Variants in DCC observed in about 807,000 individuals in gnomAD.
DCC encodes DCC netrin 1 receptor.
Under a neutral mutation model 172.5 loss-of-function variants are expected in DCC, and 58 were observed. The observed-to-expected ratio is 0.34, with a 90% CI of 0.27 to 0.42. The LOEUF is 0.42. DCC is among the 10% of genes least tolerant of loss of function. The probability of loss-of-function intolerance (pLI) is 1.00; values close to 1 mark genes in which losing one functional copy is unlikely to be tolerated. For synonymous variants in DCC, 709 were observed against 644.5 expected, an observed-to-expected ratio of 1.10 and a Z score of -1.52; for missense variants, 1,740 against 1,791.0, an observed-to-expected ratio of 0.97 and a Z score of 0.51.
At chr18:52,868,579 AATTTGG>A (rs2039266437) in intron 2 of DCC, among the ~76,000 whole-genome samples, 1 of 152,166 alleles carries the variant, frequency 6.6e-6, no homozygotes, top group Admixed American at 6.5e-5. Flanking sequence ...GGACCAAGCT[AATTTGG>A]GAAGAAATTT....
chr18:52,725,102 A>C (rs1364492949), intron 1 of DCC, among the ~76,000 whole-genome samples: 1 of 152,194 alleles, frequency 6.6e-6, no homozygotes, highest in East Asian at 1.9e-4. Context: ...AGAGTCTGTC[A>C]TGATTGATTG....
At chr18:52,400,692 C>A (rs1598786640) in intron 1 of DCC, among the ~76,000 whole-genome samples, 1 of 152,078 alleles carries the variant, frequency 6.6e-6, no homozygotes, top group South Asian at 2.1e-4. Flanking sequence ...TTGGAACCAA[C>A]CCAAATGCCC....
chr18:52,699,616 T>G (rs1184520606), intron 1 of DCC, among the ~76,000 whole-genome samples: 12 of 152,174 alleles, frequency 7.9e-5, no homozygotes, highest in Non-Finnish European at 1.6e-4. Flanking sequence ...CCAAACCCTT[T>G]GATCAGACCC....
chr18:53,418,754 A>G (rs1341938070), intron 21 of DCC, among the ~76,000 whole-genome samples: 7 of 152,240 alleles, frequency 4.6e-5, no homozygotes, highest in Non-Finnish European at 8.8e-5. Flanking sequence ...CATGAAGAAC[A>G]TAAATGTGAA....
intron 1 of DCC, among the ~76,000 whole-genome samples, chr18:52,686,322 G>A (rs544036051): frequency 1.3e-5 from 2 of 152,142 alleles, no homozygotes; most frequent in African/African-American, 4.8e-5. Flanking sequence ...TCCCTTTTAG[G>A]CCAGCCTACC....
At position 53,351,456 on chromosome 18, in the gene DCC, TAC is replaced by T. The variant is rs1275215787; in HGVS notation, c.2359+11553_2359+11554del. Among the ~76,000 whole-genome samples, 7 of 41,330 alleles carry T rather than the reference TAC, an allele frequency of 1.7e-4. No individual in the cohort carries two copies. In the East Asian group the frequency reaches 2.1e-3, roughly 12 times the overall value. 27.1% of individuals were successfully genotyped at this position (41,330 alleles called of 152,430 possible). A position where few individuals can be genotyped will look rare whatever the true frequency, so the allele number is the denominator to read the frequency against. ...TATATATACAGTGTATATATATATA[TAC>T]ACAGTGTGTATATATATATATATAT... On this transcript the variant is annotated intron_variant, in intron 15 of 28. Coordinates refer to ENST00000442544, the MANE Select transcript of DCC (RefSeq NM_005215.4).
intron 15 of DCC, among the ~76,000 whole-genome samples, chr18:53,374,845 T>C (rs1178940916): frequency 2.0e-5 from 3 of 152,106 alleles, no homozygotes; most frequent in Non-Finnish European, 4.4e-5. Flanking sequence ...TACTAAAGAG[T>C]TAAAAATGCA....
chr18:52,732,620 C>G (rs2145096514), intron 1 of DCC, among the ~76,000 whole-genome samples: 1 of 152,200 alleles, frequency 6.6e-6, no homozygotes, highest in South Asian at 2.1e-4. Flanking sequence ...TTAAATGGCC[C>G]TTTGCAGAAG....
At chr18:52,831,242 G>A (rs2038608520) in intron 2 of DCC, among the ~76,000 whole-genome samples, 1 of 152,140 alleles carries the variant, frequency 6.6e-6, no homozygotes, top group Non-Finnish European at 1.5e-5. Context: ...GTGAGCAATG[G>A]AGAATTAGTA....
chr18:52,423,537 C>T (rs985535020), intron 1 of DCC, among the ~76,000 whole-genome samples: 3 of 151,632 alleles, frequency 2.0e-5, no homozygotes, highest in Non-Finnish European at 2.9e-5. Context: ...ATGAAGCCTG[C>T]TTTTCTCCTG....
intron 12 of DCC, among the ~76,000 whole-genome samples, chr18:53,242,681 T>C (rs984551943): frequency 7.2e-5 from 11 of 152,262 alleles, no homozygotes; most frequent in Middle Eastern, 3.4e-3. Flanking sequence ...AACCTGTTGT[T>C]GGCATTAAGA....
chr18:52,977,702 G>T (rs1271212225), intron 5 of DCC, among the ~76,000 whole-genome samples: 3 of 151,830 alleles, frequency 2.0e-5, no homozygotes, highest in Non-Finnish European at 2.9e-5. Context: ...TGGCTAACAT[G>T]GTGAAACCCC....
chr18:53,524,575 A>ATTTATGT (rs2046434589), intron 27 of DCC, among the ~76,000 whole-genome samples: 1 of 152,134 alleles, frequency 6.6e-6, no homozygotes, highest in Admixed American at 6.6e-5. Flanking sequence ...TTTTAAAAAT[A>ATTTATGT]TTGGAATACA....
intron 5 of DCC, among the ~76,000 whole-genome samples, chr18:52,933,590 G>GT (rs2040339847): frequency 6.6e-6 from 1 of 152,042 alleles, no homozygotes; most frequent in African/African-American, 2.4e-5. Context: ...ATCCATATAG[G>GT]TCTTGAGTAT....
At chr18:52,380,019 A>T (rs1255034747) in intron 1 of DCC, among the ~76,000 whole-genome samples, 2 of 152,034 alleles carry the variant, frequency 1.3e-5, no homozygotes, top group Non-Finnish European at 2.9e-5. Context: ...ATTCTCTTTG[A>T]TTCCAAGAGG....
chr18:53,225,501 T>C (rs957645805), intron 12 of DCC, among the ~76,000 whole-genome samples: 6 of 151,974 alleles, frequency 3.9e-5, no homozygotes, highest in Non-Finnish European at 7.4e-5. Flanking sequence ...GCACAGACAA[T>C]TGAATCTTGG....
chr18:52,531,050 C>CTATTTA (rs2032134244), intron 1 of DCC, among the ~76,000 whole-genome samples: 1 of 152,164 alleles, frequency 6.6e-6, no homozygotes. Flanking sequence ...CTGCACAGTT[C>CTATTTA]CTGTTAATTT....
At chr18:52,824,256 T>C (rs1470214001) in intron 2 of DCC, among the ~76,000 whole-genome samples, 8 of 152,226 alleles carry the variant, frequency 5.3e-5, no homozygotes, top group Non-Finnish European at 8.8e-5. Flanking sequence ...TGGAAAGTTA[T>C]TCTGTTTCTT....
chr18:53,207,949 A>G (rs926097552), intron 11 of DCC, 132 bp downstream of exon 11: 2 of 808,102 alleles, frequency 2.5e-6, no homozygotes, highest in Admixed American at 1.9e-5. Context: ...TATTACAGTT[A>G]AATGTAAACT....
Sources: allele counts gnomAD v4.1 joint callset (sites outside exome capture counted in the v4.1 genomes callset), GRCh38; gene constraint gnomAD v4.1.1; transcripts MANE v1.5; gene names NCBI Gene and HGNC (gene_info 2026-07-23, HGNC 2026-07-21).